Variants in ADAM32 observed in about 807,000 individuals in gnomAD.
The protein encoded by ADAM32 is ADAM metallopeptidase domain 32.
ADAM32 carries 89 observed loss-of-function variants against 114.9 expected under a neutral mutation model. The observed-to-expected ratio is 0.77, with a 90% CI of 0.65 to 0.92. The LOEUF is 0.92. Among genes scored for constraint, ADAM32 ranks in the 40% least tolerant of loss-of-function variants. The probability of loss-of-function intolerance (pLI) is 0.00; values close to 1 mark genes in which losing one functional copy is unlikely to be tolerated. For synonymous variants in ADAM32, 285 were observed against 307.5 expected (o/e 0.93, Z 0.77); for missense variants, 870 against 932.8 (o/e 0.93, Z 0.88).
chr8:39,283,919 G>T (rs567698276), intron 24 of ADAM32, among the ~76,000 whole-genome samples: 2 of 152,108 alleles, frequency 1.3e-5, no homozygotes, highest in Admixed American at 6.5e-5. Flanking sequence ...GATTACAGGC[G>T]TGTGCCGCCA....
intron 3 of ADAM32, among the ~76,000 whole-genome samples, chr8:39,137,761 A>G (rs1802891399): frequency 9.1e-6 from 1 of 109,888 alleles, no homozygotes; most frequent in Non-Finnish European, 1.9e-5. Flanking sequence ...ACAGAGTGAG[A>G]CACTGTCTCA....
At chr8:39,202,625 A>G (rs1309021913) in intron 11 of ADAM32, among the ~76,000 whole-genome samples, 2 of 151,746 alleles carry the variant, frequency 1.3e-5, no homozygotes, top group Non-Finnish European at 2.9e-5. Flanking sequence ...TTGTATCTCT[A>G]TCTCCTTCAG....
Position 39,233,996 on chromosome 8 carries a change from G to C in ADAM32, c.1732G>C (p.Val578Leu). The change falls in exon 16 of 25, where the codon GTA becomes CTA. Residue 578 changes from valine to leucine, a missense_variant. Val to Leu is a conservative substitution (Grantham distance 32). Coordinates refer to ENST00000379907, the MANE Select transcript of ADAM32 (RefSeq NM_145004.7). ...GATTTATGCTTTCGTACGAGATTCTGTATGCATAACTGTAGACTACAAATT... is the reference window on the plus strand; with the variant it reads ...GATTTATGCTTTCGTACGAGATTCTCTATGCATAACTGTAGACTACAAATT... ...DVIYAFVRDSVCITVDYKLPR... is the reference protein window; with the variant it reads ...DVIYAFVRDSLCITVDYKLPR... 6.4e-7 allele frequency: 1 copy of C among 1,571,016 alleles called. No homozygotes were observed. The highest frequency in any genetic ancestry group is 8.6e-7 in the Non-Finnish European group (1 of 1,156,144).
At chr8:39,281,861 A>T (rs1312876380) in intron 23 of ADAM32, among the ~76,000 whole-genome samples, 2 of 152,188 alleles carry the variant, frequency 1.3e-5, no homozygotes, top group African/African-American at 4.8e-5. Flanking sequence ...AGTTACATTC[A>T]ACCCACTGCT....
chr8:39,228,911 A>T (rs1156920083), intron 14 of ADAM32, among the ~76,000 whole-genome samples: 1 of 152,230 alleles, frequency 6.6e-6, no homozygotes, highest in South Asian at 2.1e-4. Flanking sequence ...TGAAGGAAAG[A>T]ATCTTAAGAG....
chr8:39,165,464 A>G (rs566291101), intron 9 of ADAM32: 25 of 255,998 alleles, frequency 9.8e-5, no homozygotes, highest in African/African-American at 4.7e-4. Flanking sequence ...ATCTGGTGGT[A>G]CTACTAGGTT....
intron 19 of ADAM32, among the ~76,000 whole-genome samples, chr8:39,266,710 G>A (rs1246773997): frequency 2.0e-5 from 3 of 152,152 alleles, no homozygotes; most frequent in Non-Finnish European, 2.9e-5. Context: ...GTTGTTTGGT[G>A]TTAAAAAGAC....
intron 11 of ADAM32, among the ~76,000 whole-genome samples, chr8:39,188,298 C>A (rs1449073508): frequency 1.3e-5 from 2 of 152,078 alleles, no homozygotes; most frequent in Admixed American, 6.5e-5. Context: ...CATAATCACA[C>A]ATATCCATAT....
chr8:39,234,113 T>C, intron 16 of ADAM32, 31 bp downstream of exon 16: 15 of 1,241,142 alleles, frequency 1.2e-5, no homozygotes, highest in Non-Finnish European at 1.6e-5. Flanking sequence ...TTAAAAAATA[T>C]AGTTTTATTT....
intron 1 of ADAM32, among the ~76,000 whole-genome samples, chr8:39,108,516 T>G (rs1840021734): frequency 1.3e-5 from 2 of 152,142 alleles, no homozygotes; most frequent in South Asian, 4.1e-4. Context: ...ACTGTAAAAG[T>G]TCATTAGTAA....
At chr8:39,182,578 CATT>C (rs1195842031) in intron 10 of ADAM32, among the ~76,000 whole-genome samples, 3 of 152,170 alleles carry the variant, frequency 2.0e-5, no homozygotes, top group African/African-American at 7.2e-5. Context: ...AATTTATCAT[CATT>C]AACTGTAGTT....
chr8:39,233,494 A>G (rs891787935), intron 15 of ADAM32, among the ~76,000 whole-genome samples: 1 of 152,158 alleles, frequency 6.6e-6, no homozygotes, highest in South Asian at 2.1e-4. Flanking sequence ...TTTCATCGCC[A>G]TCTTGGTTTT....
At chr8:39,145,789 T>C (rs1261897868) in intron 3 of ADAM32, among the ~76,000 whole-genome samples, 1 of 152,180 alleles carries the variant, frequency 6.6e-6, no homozygotes, top group African/African-American at 2.4e-5. Context: ...TGGAAAGCAG[T>C]GGTGGCATCT....
chr8:39,267,915 T>TA (rs1269691078), intron 19 of ADAM32, among the ~76,000 whole-genome samples: 2 of 152,160 alleles, frequency 1.3e-5, no homozygotes, highest in African/African-American at 4.8e-5. Flanking sequence ...GCTCTATAGA[T>TA]AAAGACTGGC....
intron 11 of ADAM32, among the ~76,000 whole-genome samples, chr8:39,193,825 C>T (rs749100896): frequency 2.6e-5 from 4 of 152,118 alleles, no homozygotes; most frequent in Non-Finnish European, 5.9e-5. Context: ...AGTATCATGC[C>T]CCAGCTTTGT....
chr8:39,130,867 G>A (rs1588485438), intron 2 of ADAM32: 1 of 456,768 alleles, frequency 2.2e-6, no homozygotes, highest in Non-Finnish European at 4.4e-6. Context: ...CAGTTGTTGG[G>A]TTAGTAGTCA....
At chr8:39,278,949 A>G (rs993676866) in intron 22 of ADAM32, among the ~76,000 whole-genome samples, 15 of 152,144 alleles carry the variant, frequency 9.9e-5, no homozygotes, top group African/African-American at 3.6e-4. Flanking sequence ...CTGTTGTTGT[A>G]ATGTGCCATG....
chr8:39,283,962 C>T (rs1318167793), intron 24 of ADAM32, among the ~76,000 whole-genome samples: 1 of 151,950 alleles, frequency 6.6e-6, no homozygotes, highest in Non-Finnish European at 1.5e-5. Flanking sequence ...TTAGTACAGA[C>T]AGGATTTTGC....
chr8:39,222,897 G>A (rs1809079916), intron 13 of ADAM32, 143 bp from the exon 14 acceptor site: 2 of 565,700 alleles, frequency 3.5e-6, no homozygotes, highest in Non-Finnish European at 5.8e-6. Context: ...TATATTATTA[G>A]CATAGTAATT....
Sources: gnomAD v4.1 joint callset for allele counts (sites outside exome capture counted in the v4.1 genomes callset) on GRCh38, gnomAD v4.1.1 for gene constraint, MANE v1.5 for transcripts, NCBI Gene and HGNC (gene_info 2026-07-23, HGNC 2026-07-21) for gene names.